FOCAD: variants seen among roughly 807,000 people sequenced by gnomAD.
FOCAD encodes KIAA1797.
A neutral mutation model predicts 225.6 loss-of-function variants in FOCAD; 198 were observed. That is an observed-to-expected ratio of 0.88 (90% CI 0.78 to 0.99). The LOEUF (loss-of-function observed/expected upper bound fraction) is 0.99. Among genes scored for constraint, FOCAD ranks in the 50% least tolerant of loss-of-function variants. FOCAD has a pLI of 0.00. For missense variants in FOCAD, 2,713 were observed against 2,123.6 expected (o/e 1.28, Z -5.46); for synonymous variants, 897 against 755.0 (o/e 1.19, Z -3.08).
At position 20,731,402 on chromosome 9, in the gene FOCAD, G is replaced by A. The variant is rs566996059; in HGVS notation, c.288-8834G>A. ...TAAATGTGTGATCCCTTAAATGAAA[G>A]GCCTTTTAGAAACACAACCAGTAAT... On this transcript the variant is annotated intron_variant, in intron 4 of 43. Transcript: ENST00000338382. Among the ~76,000 whole-genome samples, 6 of 152,152 alleles carry A rather than the reference G, an allele frequency of 3.9e-5. No individual in the cohort carries two copies. In the South Asian group the frequency reaches 1.0e-3, roughly 26 times the overall value.
chr9:20,683,774 G>A (rs1261443396), upstream of FOCAD: 1 of 152,242 alleles, frequency 6.6e-6, no homozygotes, highest in Non-Finnish European at 1.5e-5. Context: ...GGCGAAGAAC[G>A]AAGCGTCTTC....
intron 1 of FOCAD, among the ~76,000 whole-genome samples, chr9:20,695,916 A>G (rs1823333867): frequency 1.3e-5 from 2 of 152,240 alleles, no homozygotes; most frequent in African/African-American, 2.4e-5. Context: ...CCCAAATAAA[A>G]TTGAGAAGCA....
chr9:20,741,519 A>G (rs1420396058), intron 5 of FOCAD, among the ~76,000 whole-genome samples: 2 of 152,160 alleles, frequency 1.3e-5, no homozygotes, highest in South Asian at 2.1e-4. Context: ...TTTTCTTAAC[A>G]TATTTTGTGA....
At chr9:20,987,247 C>A (rs1841264956) in intron 40 of FOCAD, among the ~76,000 whole-genome samples, 1 of 152,252 alleles carries the variant, frequency 6.6e-6, no homozygotes, top group South Asian at 2.1e-4. Context: ...AAGACTGTAT[C>A]GCCTTAATAC....
intron 21 of FOCAD, among the ~76,000 whole-genome samples, chr9:20,899,094 A>G (rs181079274): frequency 1.7e-3 from 266 of 152,082 alleles, no homozygotes; most frequent in African/African-American, 6.1e-3. Flanking sequence ...AGGTGCTGAT[A>G]AAACTCTTAT....
chr9:20,759,339 G>A (rs922041694), intron 6 of FOCAD, among the ~76,000 whole-genome samples: 2 of 152,264 alleles, frequency 1.3e-5, no homozygotes, highest in African/African-American at 2.4e-5. Flanking sequence ...CACCAAAACA[G>A]CATGGTACTG....
chr9:20,802,735 A>G (rs1587231709), intron 11 of FOCAD, among the ~76,000 whole-genome samples: 1 of 152,124 alleles, frequency 6.6e-6, no homozygotes, highest in African/African-American at 2.4e-5. Context: ...ATGAAATCCT[A>G]TTAATTTAGA....
At chr9:20,676,326 T>C (rs915995524) in intron 2 of FOCAD, among the ~76,000 whole-genome samples, 4 of 152,320 alleles carry the variant, frequency 2.6e-5, no homozygotes, top group African/African-American at 9.6e-5. Context: ...GTTTTATGGC[T>C]TAGCAGCGGT....
chr9:20,946,861 A>C lies in FOCAD; in HGVS notation c.3675+41A>C, dbSNP rs767496475. The C allele has an allele frequency of 1.9e-6, 3 of 1,606,976 alleles. No homozygotes were observed. In the South Asian group the frequency reaches 3.3e-5, roughly 18 times the overall value. ...CTGATTATTTCTCTCTGTGGGTCTC[A>C]TGCTGCTGCTAAGTTTTGCTTTTGA... On this transcript the variant is annotated intron_variant, in intron 30 of 43. Transcript: ENST00000338382.
At chr9:20,955,989 A>G (rs1340381791) in intron 35 of FOCAD, among the ~76,000 whole-genome samples, 1 of 152,182 alleles carries the variant, frequency 6.6e-6, no homozygotes, top group African/African-American at 2.4e-5. Flanking sequence ...ATATTTTCCT[A>G]TTAGGCTTTA....
At chr9:20,670,524 G>A (rs1476633952) in intron 2 of FOCAD, among the ~76,000 whole-genome samples, 1 of 152,130 alleles carries the variant, frequency 6.6e-6, no homozygotes, top group African/African-American at 2.4e-5. Context: ...GAAAGGGAGG[G>A]AGTGTCACAC....
chr9:20,796,148 A>T (rs201420263), intron 11 of FOCAD, among the ~76,000 whole-genome samples: 1 of 151,890 alleles, frequency 6.6e-6, no homozygotes, highest in African/African-American at 2.4e-5. Context: ...ATGAACTCAT[A>T]ATTTTTTATG....
chr9:20,916,806 G>T, intron 23 of FOCAD, 87 bp from the exon 24 acceptor site: 1 of 1,207,510 alleles, frequency 8.3e-7, no homozygotes, highest in African/African-American at 1.6e-5. Flanking sequence ...AGCCATTGCT[G>T]GAGGTTCTTA....
chr9:20,715,042 G>A (rs527298671), intron 1 of FOCAD, among the ~76,000 whole-genome samples: 29 of 152,210 alleles, frequency 1.9e-4, no homozygotes, highest in Admixed American at 1.3e-4. Context: ...ACTTTTGGAT[G>A]TTTTTTTCAT....
chr9:20,784,832 T>G (rs1425970642), intron 10 of FOCAD, among the ~76,000 whole-genome samples: 1 of 152,218 alleles, frequency 6.6e-6, no homozygotes, highest in Non-Finnish European at 1.5e-5. Flanking sequence ...ATGGCTAAAG[T>G]TAACATTTAT....
intron 24 of FOCAD, among the ~76,000 whole-genome samples, chr9:20,921,881 A>G (rs978791294): frequency 2.6e-5 from 4 of 152,114 alleles, no homozygotes; most frequent in African/African-American, 4.8e-5. Flanking sequence ...CTTGTCTAAT[A>G]TATTTGTTTT....
chr9:20,836,319 C>T (rs1269694800), intron 15 of FOCAD, among the ~76,000 whole-genome samples: 4 of 152,074 alleles, frequency 2.6e-5, no homozygotes, highest in Admixed American at 1.3e-4. Flanking sequence ...AGGCTTCTGT[C>T]GCCTACTGTG....
chr9:20,701,991 C>T (rs1485974094), intron 1 of FOCAD, among the ~76,000 whole-genome samples: 1 of 152,132 alleles, frequency 6.6e-6, no homozygotes, highest in East Asian at 1.9e-4. Flanking sequence ...GATTCAGACT[C>T]AGAATAATAA....
intron 5 of FOCAD, among the ~76,000 whole-genome samples, chr9:20,746,054 T>C (rs1828009718): frequency 6.6e-6 from 1 of 152,196 alleles, no homozygotes. Flanking sequence ...GCAAATGTGT[T>C]CATCACTTAA....
Sources: allele counts gnomAD v4.1 joint callset (sites outside exome capture counted in the v4.1 genomes callset), GRCh38; gene constraint gnomAD v4.1.1; transcripts MANE v1.5; gene names NCBI Gene and HGNC (gene_info 2026-07-23, HGNC 2026-07-21).